MYO5B: variants seen among roughly 807,000 people sequenced by gnomAD.
The protein encoded by MYO5B is myosin VB, also known as unconventional myosin-Vb.
A neutral mutation model predicts 229.3 loss-of-function variants in MYO5B; 143 were observed. The observed-to-expected ratio is 0.62, with a 90% CI of 0.54 to 0.72. MYO5B has a LOEUF of 0.72. Ranked by LOEUF, MYO5B falls within the 30% of genes least tolerant of loss-of-function variation. MYO5B has a pLI of 0.00. For synonymous variants in MYO5B, 918 were observed against 885.2 expected (o/e 1.04, Z -0.66); for missense variants, 2,321 against 2,331.0 (o/e 1.00, Z 0.09).
At chr18:50,032,473 C>G (rs917082799) in intron 4 of MYO5B, among the ~76,000 whole-genome samples, 2 of 152,122 alleles carry the variant, frequency 1.3e-5, no homozygotes, top group Non-Finnish European at 2.9e-5. Flanking sequence ...AACACGTGGT[C>G]TTTTTTATCT....
chr18:50,068,503 C>T (rs192282876), intron 1 of MYO5B, among the ~76,000 whole-genome samples: 162 of 152,302 alleles, frequency 1.1e-3, no homozygotes, highest in African/African-American at 3.5e-3. Flanking sequence ...ACCAAAACTC[C>T]TCCAACAAAG....
In MYO5B at chr18:49,823,901, GT is replaced by G. The variant is rs1380931955; in HGVS notation, c.*2569del. 2.0e-5 allele frequency: 3 copies of G among 152,590 alleles called. No homozygotes were observed. The highest frequency in any genetic ancestry group is 4.4e-5 in the Non-Finnish European group (3 of 68,038). The allele number at this position is 152,590 out of a possible 1,614,324, so 9.5% of individuals were successfully genotyped here. A position where few individuals can be genotyped will look rare whatever the true frequency, so the allele number is the denominator to read the frequency against. On this transcript the variant is annotated 3_prime_UTR_variant, in exon 40 of 40. Coordinates refer to ENST00000285039, the MANE Select transcript of MYO5B (RefSeq NM_001080467.3). ...TCTTAATATTTAAAATGCTTCTAAT[GT>G]TTTAAAAGACAAAACTCCCCCATGA...
chr18:50,148,260 G>A (rs1302986036), intron 1 of MYO5B, among the ~76,000 whole-genome samples: 1 of 149,640 alleles, frequency 6.7e-6, no homozygotes, highest in African/African-American at 2.5e-5. Flanking sequence ...GAGGTACAAG[G>A]AGGAACTGGT....
At chr18:50,069,422 C>T (rs1198537012) in intron 1 of MYO5B, among the ~76,000 whole-genome samples, 1 of 152,064 alleles carries the variant, frequency 6.6e-6, no homozygotes, top group Non-Finnish European at 1.5e-5. Flanking sequence ...TTTTCCCTTC[C>T]AAGTCCCAAC....
At chr18:50,097,382 T>C in intron 1 of MYO5B, 1 of 425,732 alleles carries the variant, frequency 2.3e-6, no homozygotes, top group South Asian at 1.7e-5. Context: ...CACTATGTGG[T>C]CCATCAAAAG....
chr18:50,144,753 T>C (rs898566118), intron 1 of MYO5B, among the ~76,000 whole-genome samples: 1 of 152,160 alleles, frequency 6.6e-6, no homozygotes, highest in Non-Finnish European at 1.5e-5. Context: ...GTGTATGGAT[T>C]ATGAATGTGA....
chr18:50,101,290 T>C (rs2031649595), intron 1 of MYO5B, among the ~76,000 whole-genome samples: 1 of 152,146 alleles, frequency 6.6e-6, no homozygotes, highest in African/African-American at 2.4e-5. Context: ...TTGATAAAGC[T>C]ACATGGAAGG....
chr18:49,936,203 T>C lies in MYO5B; in HGVS notation c.2003+49A>G, dbSNP rs375387887. The C allele has an allele frequency of 8.8e-4, 1,319 of 1,495,800 alleles. 2 individuals carry two copies. Among genetic ancestry groups the C allele is most frequent in the Non-Finnish European group, 1.1e-3 (1,185 of 1,094,254 alleles). 92.7% of individuals were successfully genotyped at this position (1,495,800 alleles called of 1,614,324 possible). A position where few individuals can be genotyped will look rare whatever the true frequency, so the allele number is the denominator to read the frequency against. ...AAGGCCTGGGCCACCCTGTTCCACC[T>C]GAACCTCTAAGGCTGGGCTGGACAG... is the stretch of plus-strand genomic sequence containing the variant. On this transcript the variant is annotated intron_variant, in intron 16 of 39. Transcript: ENST00000285039.
At chr18:49,965,297 T>C (rs887471667) in intron 10 of MYO5B, among the ~76,000 whole-genome samples, 8 of 152,136 alleles carry the variant, frequency 5.3e-5, no homozygotes, top group African/African-American at 1.9e-4. Context: ...TATACACACA[T>C]TGGCAGCTTT....
chr18:49,879,954 G>T (rs1420124576), intron 23 of MYO5B, among the ~76,000 whole-genome samples: 1 of 152,222 alleles, frequency 6.6e-6, no homozygotes, highest in Non-Finnish European at 1.5e-5. Context: ...GACAGCTCCT[G>T]AGCGCTCGCT....
At chr18:50,032,869 C>T (rs2026405526) in intron 4 of MYO5B, among the ~76,000 whole-genome samples, 2 of 152,042 alleles carry the variant, frequency 1.3e-5, no homozygotes, top group Admixed American at 6.5e-5. Flanking sequence ...TACCTTTAAT[C>T]CTAGTTACTC....
chr18:50,112,383 C>G (rs1599029620), intron 1 of MYO5B, among the ~76,000 whole-genome samples: 1 of 152,182 alleles, frequency 6.6e-6, no homozygotes, highest in East Asian at 1.9e-4. Context: ...ACTGGCCCAT[C>G]AGAGCAGCAA....
Position 50,047,263 on chromosome 18 carries a change from T to A in MYO5B, c.139-6949A>T, listed in dbSNP as rs553991319. Among the ~76,000 whole-genome samples, 45 of 151,910 alleles carry A rather than the reference T, an allele frequency of 3.0e-4. No individual in the cohort carries two copies. The South Asian group carries it at 9.4e-3, about 32-fold the overall frequency. On this transcript the variant is annotated intron_variant, in intron 2 of 39. Coordinates refer to ENST00000285039, the MANE Select transcript of MYO5B (RefSeq NM_001080467.3). ...TACAAGAAAAAAACAAACAACCCCA[T>A]CAAAAAGTGGGTGAAGGATATGAAC...
rs751792384 is a variant in MYO5B, at chr18:49,837,805, G to A, written c.4853-3C>T. On this transcript the variant is annotated splice_polypyrimidine_tract_variant and splice_region_variant and intron_variant, in intron 36 of 39. Coordinates refer to ENST00000285039, the MANE Select transcript of MYO5B (RefSeq NM_001080467.3). ...CTCATTTTCCAACATGGCAGAAACT[G>A]AAATAAAAGCACAGTTAGAGAAGCT... 6 of 1,613,806 alleles carry A rather than the reference G, an allele frequency of 3.7e-6. No homozygotes were observed. Among genetic ancestry groups the A allele is most frequent in the Non-Finnish European group, 5.1e-6 (6 of 1,180,018 alleles).
intron 14 of MYO5B, among the ~76,000 whole-genome samples, chr18:49,951,199 C>T (rs1787524): frequency 0.59 from 89,300 of 151,946 alleles, 26,797 homozygotes; most frequent in Middle Eastern, 0.73. Flanking sequence ...CTCCGGGAGA[C>T]GTCACCCCAT....
intron 1 of MYO5B, among the ~76,000 whole-genome samples, chr18:50,138,377 A>T (rs144694064): frequency 6.6e-6 from 1 of 152,274 alleles, no homozygotes; most frequent in African/African-American, 2.4e-5. Flanking sequence ...TTTGGGAAGA[A>T]GTTACAGGAG....
At chr18:49,977,463 C>A (rs185019446) in intron 9 of MYO5B, among the ~76,000 whole-genome samples, 32 of 152,038 alleles carry the variant, frequency 2.1e-4, no homozygotes, top group South Asian at 1.7e-3. Context: ...TCCTATGTGC[C>A]CGAGGAATAA....
chr18:50,068,841 C>T (rs1041846632), intron 1 of MYO5B, among the ~76,000 whole-genome samples: 15 of 152,212 alleles, frequency 9.9e-5, no homozygotes, highest in Non-Finnish European at 2.2e-4. Context: ...GCTCTCAACA[C>T]TCCATTTGCA....
chr18:50,034,170 C>T (rs563894610), intron 4 of MYO5B, among the ~76,000 whole-genome samples: 1 of 152,240 alleles, frequency 6.6e-6, no homozygotes, highest in Non-Finnish European at 1.5e-5. Flanking sequence ...TCAAAGTACA[C>T]TGTGCTAGCC....
Sources: gnomAD v4.1 joint callset for allele counts (sites outside exome capture counted in the v4.1 genomes callset) on GRCh38, gnomAD v4.1.1 for gene constraint, MANE v1.5 for transcripts, NCBI Gene and HGNC (gene_info 2026-07-23, HGNC 2026-07-21) for gene names.